DLG2: variants seen among roughly 807,000 people sequenced by gnomAD.
DLG2 encodes the protein disks large homolog 2.
Under a neutral mutation model 132.5 loss-of-function variants are expected in DLG2, and 45 were observed. The observed-to-expected ratio is 0.34, with a 90% confidence interval of 0.27 to 0.44. The LOEUF (loss-of-function observed/expected upper bound fraction) is 0.44, where lower values mean the gene tolerates loss of function less well. Ranked by LOEUF, DLG2 falls within the 20% of genes least tolerant of loss-of-function variation. DLG2 has a pLI of 1.00. For synonymous variants in DLG2, 424 were observed against 419.6 expected (o/e 1.01, Z -0.13); for missense variants, 1,045 against 1,196.9 (o/e 0.87, Z 1.87).
At chr11:84,094,998 C>T (rs1207460525) in intron 10 of DLG2, among the ~76,000 whole-genome samples, 1 of 151,830 alleles carries the variant, frequency 6.6e-6, no homozygotes, top group Non-Finnish European at 1.5e-5. Flanking sequence ...AATAGAAGTA[C>T]AGAACCGTTT....
intron 6 of DLG2, chr11:84,890,974 T>G (rs2089286067): frequency 6.6e-6 from 1 of 152,182 alleles, no homozygotes; most frequent in Admixed American, 6.5e-5. Context: ...TGCTTTGCTC[T>G]TAAGTCCAAT....
intron 21 of DLG2, among the ~76,000 whole-genome samples, chr11:83,511,089 C>CACACAG (rs886768601): frequency 7.3e-6 from 1 of 137,660 alleles, no homozygotes; most frequent in African/African-American, 3.1e-5. Flanking sequence ...CACACACAGA[C>CACACAG]ACACACACAC....
At chr11:84,504,390 T>G (rs2154510451) in intron 7 of DLG2, among the ~76,000 whole-genome samples, 2 of 152,320 alleles carry the variant, frequency 1.3e-5, no homozygotes, top group Middle Eastern at 6.8e-3. Context: ...TAGAACCCAT[T>G]CTGGGTATTA....
intron 6 of DLG2, among the ~76,000 whole-genome samples, chr11:84,913,578 T>C (rs560158837): frequency 3.1e-4 from 47 of 152,238 alleles, no homozygotes; most frequent in African/African-American, 1.1e-3. Flanking sequence ...AATGACATGA[T>C]TCTTATCTTA....
intron 5 of DLG2, among the ~76,000 whole-genome samples, chr11:85,150,055 A>T (rs1327660823): frequency 3.4e-5 from 4 of 118,382 alleles, no homozygotes; most frequent in African/African-American, 1.4e-4. Context: ...AGTCTCACTC[A>T]GTCGCCCAGG....
chr11:84,056,254 G>A (rs574154931), intron 11 of DLG2, among the ~76,000 whole-genome samples: 1 of 152,126 alleles, frequency 6.6e-6, no homozygotes, highest in Admixed American at 6.6e-5. Flanking sequence ...GCCCTGGTGT[G>A]TAAAGTTCCC....
At chr11:85,307,299 A>C (rs1020785522) in intron 3 of DLG2, among the ~76,000 whole-genome samples, 3 of 152,222 alleles carry the variant, frequency 2.0e-5, no homozygotes, top group African/African-American at 7.2e-5. Flanking sequence ...TAGAAGACTC[A>C]AGACAAGTAA....
chr11:84,775,926 G>C (rs76980655), intron 6 of DLG2, among the ~76,000 whole-genome samples: 4 of 152,154 alleles, frequency 2.6e-5, no homozygotes, highest in Non-Finnish European at 5.9e-5. Flanking sequence ...ATTAGGAAAG[G>C]AGTGAGTCCA....
intron 6 of DLG2, among the ~76,000 whole-genome samples, chr11:84,893,670 T>G (rs976573679): frequency 1.3e-5 from 2 of 152,178 alleles, no homozygotes; most frequent in African/African-American, 4.8e-5. Flanking sequence ...TGACGGTTTG[T>G]TAGCTTGTTT....
chr11:83,947,327 G>C (rs1404375133), intron 14 of DLG2, among the ~76,000 whole-genome samples: 1 of 151,980 alleles, frequency 6.6e-6, no homozygotes, highest in Non-Finnish European at 1.5e-5. Context: ...CCTGGTTTTT[G>C]ACAGATTCTT....
At chr11:83,837,534 C>G (rs1467644814) in intron 16 of DLG2, among the ~76,000 whole-genome samples, 1 of 151,902 alleles carries the variant, frequency 6.6e-6, no homozygotes, top group African/African-American at 2.4e-5. Flanking sequence ...GTTGAGGGGA[C>G]AGTTTTTTCT....
At chr11:85,392,187 A>G (rs779398407) in intron 3 of DLG2, among the ~76,000 whole-genome samples, 3 of 152,184 alleles carry the variant, frequency 2.0e-5, no homozygotes, top group Non-Finnish European at 4.4e-5. Flanking sequence ...CCCTTTTACA[A>G]TACCTGCAAA....
chr11:84,819,076 T>TACATACACACACACAC (rs148332240), intron 6 of DLG2, among the ~76,000 whole-genome samples: 2 of 129,420 alleles, frequency 1.5e-5, no homozygotes, highest in Non-Finnish European at 3.3e-5. Context: ...CACTCACAAA[T>TACATACACACACACAC]ACACACACAC....
intron 5 of DLG2, among the ~76,000 whole-genome samples, chr11:85,146,453 T>C (rs1371150248): frequency 6.6e-6 from 1 of 152,074 alleles, no homozygotes; most frequent in African/African-American, 2.4e-5. Flanking sequence ...AGGTGGCATA[T>C]TTAGCCATGA....
chr11:85,467,824 T>C (rs988603595), intron 3 of DLG2, among the ~76,000 whole-genome samples: 1 of 152,230 alleles, frequency 6.6e-6, no homozygotes, highest in Non-Finnish European at 1.5e-5. Flanking sequence ...GCTGGCTTCA[T>C]AAAATGAGTT....
Position 85,585,517 on chromosome 11 carries a change from T to C in DLG2, c.40+13140A>G, listed in dbSNP as rs116808535. ...AATTCTCAAGGGGAGTGCTTTCAAC[T>C]TTTCCCCATTCAGTATAATGTTTGC... On this transcript the variant is annotated intron_variant, in intron 3 of 27. Transcript: ENST00000376104. Among the ~76,000 whole-genome samples the C allele has an allele frequency of 8.1e-3, 1,236 of 152,292 alleles. 19 individuals are homozygous for C. The highest frequency in any genetic ancestry group is 0.029 in the African/African-American group (1,204 of 41,566).
intron 3 of DLG2, among the ~76,000 whole-genome samples, chr11:85,397,614 G>A (rs2087540802): frequency 6.6e-6 from 1 of 152,044 alleles, no homozygotes; most frequent in Admixed American, 6.6e-5. Context: ...GCAAAAAAAA[G>A]CAGGAGTTGC....
intron 6 of DLG2, among the ~76,000 whole-genome samples, chr11:84,550,176 A>G (rs935295382): frequency 2.0e-5 from 3 of 151,972 alleles, no homozygotes; most frequent in African/African-American, 7.2e-5. Context: ...GTATATGCTC[A>G]ATTCAGCCTT....
intron 11 of DLG2, among the ~76,000 whole-genome samples, chr11:83,994,173 G>A (rs573645806): frequency 1.4e-4 from 22 of 152,068 alleles, no homozygotes; most frequent in Non-Finnish European, 2.8e-4. Context: ...TTATTTATAG[G>A]AAGGGTTGAT....
Sources: gnomAD v4.1 joint callset for allele counts (sites outside exome capture counted in the v4.1 genomes callset) on GRCh38, gnomAD v4.1.1 for gene constraint, MANE v1.5 for transcripts, NCBI Gene and HGNC (gene_info 2026-07-23, HGNC 2026-07-21) for gene names.